The following KAT2B variants were observed in gnomAD, a reference collection of about 807,000 sequenced individuals.
KAT2B encodes the protein histone acetyltransferase KAT2B.
KAT2B carries 36 observed loss-of-function variants against 105.9 expected under a neutral mutation model. The observed-to-expected ratio is 0.34, with a 90% CI of 0.26 to 0.45. The LOEUF is 0.45. KAT2B is among the 20% of genes least tolerant of loss of function. The pLI is 1.00. For synonymous variants in KAT2B, 397 were observed against 377.9 expected, an observed-to-expected ratio of 1.05 and a Z score of -0.59; for missense variants, 820 against 1,021.6, an observed-to-expected ratio of 0.80 and a Z score of 2.69.
intron 17 of KAT2B, 24 bp from the exon 18 acceptor site, chr3:20,152,308 C>A: frequency 6.3e-7 from 1 of 1,577,380 alleles, no homozygotes; most frequent in Non-Finnish European, 8.7e-7. Flanking sequence ...TCAAAGATTG[C>A]TAATATTTTT....
chr3:20,049,155 T>C (rs1246119478), intron 1 of KAT2B, among the ~76,000 whole-genome samples: 8 of 152,132 alleles, frequency 5.3e-5, no homozygotes, highest in East Asian at 3.9e-4. Context: ...CCACCGCGCC[T>C]GGCCGGGCAT....
intron 1 of KAT2B, among the ~76,000 whole-genome samples, chr3:20,057,227 T>C (rs947777281): frequency 3.9e-5 from 6 of 152,022 alleles, no homozygotes; most frequent in Admixed American, 3.9e-4. Flanking sequence ...AATAGGGTAG[T>C]TGAAAAGGGA....
intron 2 of KAT2B, among the ~76,000 whole-genome samples, chr3:20,078,003 C>A (rs766790571): frequency 5.4e-4 from 82 of 152,026 alleles, no homozygotes; most frequent in Non-Finnish European, 9.3e-4. Context: ...GGCGAAACTC[C>A]ACCTCTACAA....
chr3:20,063,441 C>T (rs13066923), intron 1 of KAT2B, among the ~76,000 whole-genome samples: 25,403 of 142,996 alleles, frequency 0.18, 2,871 homozygotes, highest in Non-Finnish European at 0.26. Flanking sequence ...TTCTTTCTTT[C>T]TTTTTTTTTC....
chr3:20,122,558 A>G (rs1699329019), intron 8 of KAT2B, 110 bp from the exon 9 acceptor site: 1 of 770,082 alleles, frequency 1.3e-6, no homozygotes, highest in African/African-American at 1.7e-5. Context: ...GGTGGTAAAG[A>G]TAGAGTTGAC....
intron 5 of KAT2B, among the ~76,000 whole-genome samples, chr3:20,104,396 G>A (rs139068095): frequency 1.2e-4 from 19 of 152,184 alleles, no homozygotes; most frequent in African/African-American, 4.6e-4. Flanking sequence ...ATGTTGATGA[G>A]GAAAGGGAAG....
chr3:20,083,497 GATTA>G (rs1396937788), intron 2 of KAT2B, among the ~76,000 whole-genome samples: 1 of 152,170 alleles, frequency 6.6e-6, no homozygotes, highest in East Asian at 1.9e-4. Context: ...CATGGGTTGG[GATTA>G]ATTAGGAGAC....
At chr3:20,146,992 C>G (rs954630867) in intron 14 of KAT2B, among the ~76,000 whole-genome samples, 1 of 152,128 alleles carries the variant, frequency 6.6e-6, no homozygotes, top group African/African-American at 2.4e-5. Context: ...CCCTATTTTA[C>G]AGTAGTTTTC....
intron 1 of KAT2B, among the ~76,000 whole-genome samples, chr3:20,062,205 T>TAATAA (rs1698136725): frequency 1.4e-5 from 1 of 71,530 alleles, no homozygotes; most frequent in African/African-American, 5.8e-5. Context: ...ATATATTTTA[T>TAATAA]ATAAAATATA....
At chr3:20,141,896 G>A (rs191257721) in intron 13 of KAT2B, among the ~76,000 whole-genome samples, 91 of 151,752 alleles carry the variant, frequency 6.0e-4, no homozygotes, top group African/African-American at 2.1e-3. Flanking sequence ...AAAGCACAGC[G>A]GGCTCCTCTC....
intron 1 of KAT2B, among the ~76,000 whole-genome samples, chr3:20,066,487 C>T (rs1234618226): frequency 2.0e-5 from 3 of 152,032 alleles, no homozygotes; most frequent in African/African-American, 4.8e-5. Context: ...CAACTTTGGC[C>T]TCCTGGGTTC....
intron 17 of KAT2B, among the ~76,000 whole-genome samples, chr3:20,151,766 G>C (rs1384802504): frequency 6.6e-6 from 1 of 152,114 alleles, no homozygotes; most frequent in Non-Finnish European, 1.5e-5. Context: ...AATGAAGTTT[G>C]TTATTCTTAT....
chr3:20,044,043 G>A (rs531344473), intron 1 of KAT2B, among the ~76,000 whole-genome samples: 2 of 150,728 alleles, frequency 1.3e-5, no homozygotes, highest in East Asian at 3.9e-4. Flanking sequence ...CCAGGGTGAC[G>A]TGCCACACCC....
rs893804276 is a variant in KAT2B, at chr3:20,154,037, T to C, written c.*1512T>C. The C allele has an allele frequency of 6.6e-6, 1 of 152,644 alleles. No individual in the cohort carries two copies. The highest frequency in any genetic ancestry group is 2.4e-5 in the African/African-American group (1 of 41,466). 9.5% of individuals were successfully genotyped at this position (152,644 alleles called of 1,614,324 possible). A position where few individuals can be genotyped will look rare whatever the true frequency, so the allele number is the denominator to read the frequency against. The stretch of plus-strand genomic sequence containing the variant: ...GTAAGAAACCACCATGAGTGGTGTC[T>C]AGATTTCTAATGAAGAATCATGATA... On this transcript the variant is annotated 3_prime_UTR_variant, in exon 18 of 18. Coordinates refer to ENST00000263754, the MANE Select transcript of KAT2B (RefSeq NM_003884.5).
intron 6 of KAT2B, among the ~76,000 whole-genome samples, chr3:20,113,579 C>T (rs1699157275): frequency 6.6e-6 from 1 of 152,194 alleles, no homozygotes; most frequent in Non-Finnish European, 1.5e-5. Context: ...CCCACTTCTC[C>T]TTTTAAATCC....
intron 5 of KAT2B, among the ~76,000 whole-genome samples, chr3:20,106,977 A>ATG (rs200599320): frequency 7.5e-4 from 9 of 11,996 alleles, no homozygotes; most frequent in South Asian, 4.7e-3. Flanking sequence ...ATATATATAT[A>ATG]TGTATATATA....
intron 2 of KAT2B, among the ~76,000 whole-genome samples, chr3:20,078,873 A>G (rs1457731761): frequency 6.9e-6 from 1 of 145,226 alleles, no homozygotes; most frequent in Admixed American, 6.9e-5. Context: ...AGAGACTCCC[A>G]GAGCTTTTTT....
intron 11 of KAT2B, among the ~76,000 whole-genome samples, chr3:20,135,523 G>A (rs1466125208): frequency 1.3e-5 from 2 of 152,096 alleles, no homozygotes; most frequent in South Asian, 2.1e-4. Flanking sequence ...GTGTGGTGGC[G>A]GGCACCTGTA....
In KAT2B at chr3:20,125,885, T is replaced by A; in HGVS notation, c.1414-20T>A. The stretch of plus-strand genomic sequence containing the variant: ...GAGAGAATAGCTCTGTGTAATTTTT[T>A]CCTGTCTCTTGCATCTCAGACCAAT... On this transcript the variant is annotated intron_variant, in intron 9 of 17. Coordinates refer to ENST00000263754, the MANE Select transcript of KAT2B (RefSeq NM_003884.5). 5.0e-6 allele frequency: 8 copies of A among 1,606,654 alleles called. No homozygotes were observed. Among genetic ancestry groups the A allele is most frequent in the Non-Finnish European group, 6.8e-6 (8 of 1,174,638 alleles).
Sources: allele counts gnomAD v4.1 joint callset (sites outside exome capture counted in the v4.1 genomes callset), GRCh38; gene constraint gnomAD v4.1.1; transcripts MANE v1.5; gene names NCBI Gene and HGNC (gene_info 2026-07-23, HGNC 2026-07-21).